QTRT1: variants seen among roughly 807,000 people sequenced by gnomAD.
QTRT1 encodes TGT, 43-KD subunit.
Under a neutral mutation model 44.0 loss-of-function variants are expected in QTRT1, and 41 were observed. The ratio of observed to expected loss-of-function variants is 0.93; its 90% CI spans 0.73 to 1.21. The LOEUF (loss-of-function observed/expected upper bound fraction) is 1.21. QTRT1 is among the 50% of genes most tolerant of loss of function. QTRT1 has a pLI of 0.00. For synonymous variants in QTRT1, 226 were observed against 237.1 expected, an observed-to-expected ratio of 0.95 and a Z score of 0.43; for missense variants, 542 against 575.8, an observed-to-expected ratio of 0.94 and a Z score of 0.60.
At chr19:10,703,320 G>T (rs895797711) in intron 3 of QTRT1, among the ~76,000 whole-genome samples, 2 of 150,808 alleles carry the variant, frequency 1.3e-5, no homozygotes, top group Admixed American at 6.6e-5. Context: ...CTTCGGCCTC[G>T]CAGAGTGCTG....
In QTRT1 at chr19:10,712,954, C is replaced by T; in HGVS notation, c.973C>T (p.His325Tyr). 6.2e-7 allele frequency: 1 copy of T among 1,613,046 alleles called. No homozygotes were observed. Among genetic ancestry groups the T allele is most frequent in the South Asian group, 1.1e-5 (1 of 91,064 alleles). ...GAGCTGTCCCCTGCCGCTCTACAGG[C>T]ACAGCCGCGCCTTCCTGCACGCACT... ...PECTCPTCQK[H>Y]SRAFLHALLH... Residue 325 changes from histidine (H) to tyrosine (Y), a missense_variant and splice_region_variant, in exon 9 of 10, where the codon CAC becomes TAC. By Grantham distance (83) the His-to-Tyr change is moderately conservative. Transcript: ENST00000250237. The surrounding 1 kb of genome is among the most constrained non-coding windows in gnomAD (Gnocchi z 5.6).
In QTRT1 at chr19:10,701,608, A is replaced by G; in HGVS notation, c.148A>G (p.Thr50Ala). Residue 50 changes from threonine (T) to alanine (A), a missense_variant, in exon 1 of 10, where the codon ACG becomes GCG. By Grantham distance (58) the Thr-to-Ala change is moderately conservative. Transcript: ENST00000250237. The stretch of plus-strand genomic sequence containing the variant: ...CACTCCTGTGTTCATGCCAGTGGGC[A>G]CGCAGGCCACCATGAAGGGCATCAC... ...VATPVFMPVG[T>A]QATMKGITTE... The G allele has an allele frequency of 1.9e-6, 3 of 1,607,114 alleles. No individual in the cohort carries two copies. In the South Asian group the frequency reaches 3.3e-5, roughly 18 times the overall value.
chr19:10,711,602 A>C (rs6511709), intron 5 of QTRT1: 115,962 of 160,212 alleles, frequency 0.72, 42,935 homozygotes, highest in African/African-American at 0.87. Flanking sequence ...GCTGGGACCA[A>C]AGGCGTGCAC....
At chr19:10,705,888 C>T (rs1372587510) in intron 3 of QTRT1, among the ~76,000 whole-genome samples, 1 of 116,404 alleles carries the variant, frequency 8.6e-6, no homozygotes, top group Non-Finnish European at 1.7e-5. Context: ...CAGAGTCTCG[C>T]TCTGTCACTC....
intron 5 of QTRT1, chr19:10,711,947 G>T: frequency 3.2e-6 from 2 of 623,672 alleles, no homozygotes; most frequent in Non-Finnish European, 5.6e-6. Context: ...ATCAGCAGTA[G>T]TCCCAGCCCC....
chr19:10,708,544 G>A (rs894297062), intron 5 of QTRT1, among the ~76,000 whole-genome samples: 2 of 152,058 alleles, frequency 1.3e-5, no homozygotes, highest in Admixed American at 1.3e-4. Flanking sequence ...GACAAGCACC[G>A]CCCCATGGGG....
Position 10,701,475 on chromosome 19 carries a change from T to G in QTRT1, c.15T>G (p.Ala5=), listed in dbSNP as rs1489622109. 6.4e-7 allele frequency: 1 copy of G among 1,556,446 alleles called. No homozygotes were observed. Among genetic ancestry groups the G allele is most frequent in the South Asian group, 1.2e-5 (1 of 83,794 alleles). The change falls in exon 1 of 10, where the codon GCT becomes GCG. Residue 5 remains alanine, a synonymous_variant. Transcript: ENST00000250237. ...CGACAGTCAAGATGGCGGGAGCAGC[T>G]ACCCAGGCTTCCCTGGAGTCGGCCC... MAGA[A]TQASLESAPR...
At chr19:10,706,780 T>C (rs550964879) in intron 3 of QTRT1, 1 of 157,362 alleles carries the variant, frequency 6.4e-6, no homozygotes, top group East Asian at 1.9e-4. Flanking sequence ...TCTCCCAGAT[T>C]CAAGCTATTC....
At position 10,713,202 on chromosome 19, in the gene QTRT1, G is replaced by A. The variant is rs758901321; in HGVS notation, c.1144G>A (p.Gly382Arg). Residue 382 changes from glycine to arginine, a missense_variant, in exon 10 of 10, where the codon GGG becomes AGG. Transcript: ENST00000250237. This position sits in a 1 kb window ranked among gnomAD's most constrained non-coding sequence, Gnocchi z 4.3. ...FVRDFMGAMY[G>R]DPTLCPTWAT... ...GCGGGACTTCATGGGCGCCATGTAC[G>A]GGGATCCCACCCTCTGTCCCACCTG... 20 of 1,608,876 alleles carry A rather than the reference G, an allele frequency of 1.2e-5. No homozygotes were observed. In the East Asian group the frequency reaches 2.7e-4, roughly 22 times the overall value.
At chr19:10,703,408 A>G (rs2068699069) in intron 3 of QTRT1, among the ~76,000 whole-genome samples, 1 of 152,052 alleles carries the variant, frequency 6.6e-6, no homozygotes, top group South Asian at 2.1e-4. Flanking sequence ...ACAGGGTCAA[A>G]ACCCCTCTTC....
At position 10,701,481 on chromosome 19, in the gene QTRT1, G is replaced by C. The variant is rs778308677; in HGVS notation, c.21G>C (p.Gln7His). 1.9e-6 allele frequency: 3 copies of C among 1,565,348 alleles called. No individual in the cohort carries two copies. Among genetic ancestry groups the C allele is most frequent in the South Asian group, 1.2e-5 (1 of 85,486 alleles). MAGAAT[Q>H]ASLESAPRIM... ...TCAAGATGGCGGGAGCAGCTACCCA[G>C]GCTTCCCTGGAGTCGGCCCCACGGA... Residue 7 changes from glutamine (Q) to histidine (H), a missense_variant, in exon 1 of 10, where the codon CAG becomes CAC. Gln to His is a conservative substitution (Grantham distance 24, BLOSUM62 0). Transcript: ENST00000250237.
Position 10,712,946 on chromosome 19 carries a change from T to A in QTRT1, c.972-7T>A. On this transcript the variant is annotated splice_region_variant and splice_polypyrimidine_tract_variant and intron_variant, in intron 8 of 9. Transcript: ENST00000250237. This position sits in a 1 kb window ranked among gnomAD's most constrained non-coding sequence, Gnocchi z 5.6. ...GCCGTGCTGAGCTGTCCCCTGCCGCTCTACAGGCACAGCCGCGCCTTCCTG... is the reference window on the plus strand; with the variant it reads ...GCCGTGCTGAGCTGTCCCCTGCCGCACTACAGGCACAGCCGCGCCTTCCTG... 1 of 1,613,126 alleles carries A rather than the reference T, an allele frequency of 6.2e-7. No homozygotes were observed. Among genetic ancestry groups the A allele is most frequent in the Non-Finnish European group, 8.5e-7 (1 of 1,179,906 alleles).
chr19:10,704,439 A>G (rs958612320), intron 3 of QTRT1, among the ~76,000 whole-genome samples: 1 of 148,164 alleles, frequency 6.7e-6, no homozygotes, highest in Non-Finnish European at 1.5e-5. Flanking sequence ...GACTACAGGC[A>G]CCCGCCATTA....
intron 3 of QTRT1, among the ~76,000 whole-genome samples, chr19:10,704,334 C>T (rs1487486067): frequency 6.6e-6 from 1 of 152,178 alleles, no homozygotes; most frequent in Admixed American, 6.5e-5. Context: ...TGCTTAGTCT[C>T]CCAGGCTGGA....
At chr19:10,704,626 T>C (rs1413681851) in intron 3 of QTRT1, among the ~76,000 whole-genome samples, 1 of 142,188 alleles carries the variant, frequency 7.0e-6, no homozygotes, top group Non-Finnish European at 1.5e-5. Context: ...TCGCTCTTGT[T>C]GCCCAGGCTG....
At position 10,702,132 on chromosome 19, in the gene QTRT1, A is replaced by T; in HGVS notation, c.329A>T (p.Gln110Leu). The T allele has an allele frequency of 6.2e-7, 1 of 1,614,074 alleles. No individual in the cohort carries two copies. The highest frequency in any genetic ancestry group is 8.5e-7 in the Non-Finnish European group (1 of 1,180,012). The change falls in exon 3 of 10, where the codon CAG becomes CTG. Residue 110 changes from glutamine (Q) to leucine (L), a missense_variant. Transcript: ENST00000250237. ...HNLLTDSGGF[Q>L]MVSLVSLSEV... ...TTCCCTTAGGACAGCGGCGGTTTCC[A>T]GATGGTGTCGCTGGTGTCTCTGTCC...
At chr19:10,703,548 G>A (rs1481235187) in intron 3 of QTRT1, among the ~76,000 whole-genome samples, 1 of 152,074 alleles carries the variant, frequency 6.6e-6, no homozygotes, top group Non-Finnish European at 1.5e-5. Context: ...CGGTGGCCAC[G>A]CCTGTAATCC....
intron 5 of QTRT1, among the ~76,000 whole-genome samples, chr19:10,710,419 C>T (rs576294057): frequency 2.0e-5 from 3 of 151,910 alleles, no homozygotes; most frequent in East Asian, 3.9e-4. Flanking sequence ...TGGTTTCAAG[C>T]GATTCTCCTG....
chr19:10,701,602 G>A lies in QTRT1; in HGVS notation c.142G>A (p.Val48Met). The change falls in exon 1 of 10, where the codon GTG becomes ATG. Residue 48 changes from valine to methionine, a missense_variant. By Grantham distance (21) the Val-to-Met change is conservative (BLOSUM62 1). Coordinates refer to ENST00000250237, the MANE Select transcript of QTRT1 (RefSeq NM_031209.3). ...AGTGGCCACTCCTGTGTTCATGCCAGTGGGCACGCAGGCCACCATGAAGGG... is the reference window on the plus strand; with the variant it reads ...AGTGGCCACTCCTGTGTTCATGCCAATGGGCACGCAGGCCACCATGAAGGG... The part of the protein sequence containing the change: ...GTVATPVFMP[V>M]GTQATMKGIT... The A allele has an allele frequency of 6.2e-7, 1 of 1,608,124 alleles. No homozygotes were observed. The highest frequency in any genetic ancestry group is 1.7e-5 in the Admixed American group (1 of 59,468).
Sources: gnomAD v4.1 joint callset for allele counts (sites outside exome capture counted in the v4.1 genomes callset) on GRCh38, gnomAD v4.1.1 for gene constraint, Gnocchi (gnomAD v3.1) non-coding constraint, MANE v1.5 for transcripts, NCBI Gene and HGNC (gene_info 2026-07-23, HGNC 2026-07-21) for gene names.